Variants in ZNF17 observed in about 807,000 individuals in gnomAD.
ZNF17 encodes the protein zinc finger protein 17 (HPF3, KOX 10).
A neutral mutation model predicts 7.7 loss-of-function variants in ZNF17; 4 were observed. The ratio of observed to expected loss-of-function variants is 0.52; its 90% CI spans 0.26 to 1.20. The LOEUF is 1.20. Among genes scored for constraint, ZNF17 ranks in the 50% most tolerant of loss-of-function variants. ZNF17 has a pLI of 0.14. For missense variants in ZNF17, 738 were observed against 799.5 expected, an observed-to-expected ratio of 0.92 and a Z score of 0.93; for synonymous variants, 249 against 258.8, an observed-to-expected ratio of 0.96 and a Z score of 0.36.
At chr19:57,411,542 C>T (rs34675948) in intron 1 of ZNF17, 136 bp downstream of exon 1, 187,896 of 1,448,262 alleles carry the variant, frequency 0.13, 12,758 homozygotes, top group South Asian at 0.17. Context: ...GTCCGCGGTG[C>T]TGTGAGGCGG....
chr19:57,418,497 C>G (rs1433396945), intron 3 of ZNF17, among the ~76,000 whole-genome samples: 1 of 152,158 alleles, frequency 6.6e-6, no homozygotes, highest in Non-Finnish European at 1.5e-5. Flanking sequence ...ACAGCATGTC[C>G]TGGGTTTATT....
chr19:57,417,987 C>T lies in ZNF17; in HGVS notation c.97C>T (p.His33Tyr). The change falls in exon 3 of 4, where the codon CAC becomes TAC. Residue 33 changes from histidine to tyrosine, a missense_variant. His to Tyr is a moderately conservative substitution (Grantham distance 83). Coordinates refer to ENST00000307658, the MANE Select transcript of ZNF17 (RefSeq NM_001330617.2). ...EWGILNDVQRHLHSDVMLENF... is the reference protein window; with the variant it reads ...EWGILNDVQRYLHSDVMLENF... ...GGGAATTCTTAATGACGTTCAGAGACACCTGCACAGCGATGTGATGCTGGA... is the reference window on the plus strand; with the variant it reads ...GGGAATTCTTAATGACGTTCAGAGATACCTGCACAGCGATGTGATGCTGGA... 6.2e-7 allele frequency: 1 copy of T among 1,614,102 alleles called. No individual in the cohort carries two copies. Among genetic ancestry groups the T allele is most frequent in the Non-Finnish European group, 8.5e-7 (1 of 1,180,024 alleles).
At position 57,421,463 on chromosome 19, in the gene ZNF17, GA is replaced by G; in HGVS notation, c.1980del (p.Val661PhefsTer31). Reference protein sequence around the residue: ...NQNSHLIQHQKVHTR With the variant: ...NQNSHLIQHQXVHTR ...AAAATTCTCATCTCATTCAGCACCA[GA>G]AAGTTCACACCAGATAAAGAATGTA... On this transcript the variant is annotated frameshift_variant, in exon 4 of 4. Transcript: ENST00000307658. LOFTEE classifies it high-confidence loss of function. 1 of 1,608,146 alleles carries G rather than the reference GA, an allele frequency of 6.2e-7. No homozygotes were observed. The highest frequency in any genetic ancestry group is 8.5e-7 in the Non-Finnish European group (1 of 1,176,732).
intron 2 of ZNF17, among the ~76,000 whole-genome samples, chr19:57,417,307 G>C (rs2088816849): frequency 6.6e-6 from 1 of 152,114 alleles, no homozygotes; most frequent in Non-Finnish European, 1.5e-5. Flanking sequence ...GGAGAGTGAA[G>C]AGCTTAAGAC....
chr19:57,421,072 A>G lies in ZNF17; in HGVS notation c.1586A>G (p.Glu529Gly). The change falls in exon 4 of 4, where the codon GAG becomes GGG. Residue 529 changes from glutamate (E) to glycine (G), a missense_variant. Glu to Gly is a moderately conservative substitution (Grantham distance 98). Around this residue, in one of 3 missense-constraint regions of ZNF17, gnomAD observed 616 missense variants for 663.9 expected, o/e 0.93. Transcript: ENST00000307658. The part of the protein sequence containing the change: ...QRIHTGERPY[E>G]CSECGKFFRH... Reference sequence around the variant, plus strand: ...ATTCACACTGGTGAAAGGCCTTATGAGTGTAGTGAATGTGGGAAATTCTTT... The same window carrying G: ...ATTCACACTGGTGAAAGGCCTTATGGGTGTAGTGAATGTGGGAAATTCTTT... 6.2e-7 allele frequency: 1 copy of G among 1,614,140 alleles called. No homozygotes were observed. The highest frequency in any genetic ancestry group is 1.3e-5 in the African/African-American group (1 of 75,044).
At chr19:57,412,832 C>G (rs1404280806) in intron 1 of ZNF17, among the ~76,000 whole-genome samples, 1 of 151,970 alleles carries the variant, frequency 6.6e-6, no homozygotes, top group East Asian at 1.9e-4. Flanking sequence ...TGAATGTAAC[C>G]AATAGTTAAA....
In ZNF17 at chr19:57,420,474, C is replaced by T. The variant is rs375753726; in HGVS notation, c.988C>T (p.Arg330Trp). The T allele has an allele frequency of 1.6e-5, 26 of 1,613,054 alleles. 1 individual carries two copies. Among genetic ancestry groups the T allele is most frequent in the Middle Eastern group, 3.3e-4 (2 of 6,070 alleles). The change falls in exon 4 of 4, where the codon CGG becomes TGG. Residue 330 changes from arginine to tryptophan, a missense_variant. Transcript: ENST00000307658. ...TCACCAGAAAATTCATACTGGAGAA[C>T]GGCCTTATGGATGCAATGAATGTGG... ...VGHQKIHTGERPYGCNECGKY... is the reference protein window; with the variant it reads ...VGHQKIHTGEWPYGCNECGKY...
intron 1 of ZNF17, chr19:57,411,630 C>T (rs2088777524): frequency 4.4e-6 from 6 of 1,373,192 alleles, no homozygotes; most frequent in Admixed American, 3.0e-5. Context: ...GCCCGAGCGT[C>T]TTTGTCTCCA....
At position 57,420,976 on chromosome 19, in the gene ZNF17, A is replaced by G. The variant is rs2088847058; in HGVS notation, c.1490A>G (p.Glu497Gly). ...LKSHQRVHTG[E>G]RPFECSICGK... ...AGTCATCAGAGAGTTCACACTGGAG[A>G]AAGACCTTTTGAATGCAGCATTTGT... Residue 497 changes from glutamate (E) to glycine (G), a missense_variant, in exon 4 of 4, where the codon GAA becomes GGA. Around this residue, in one of 3 missense-constraint regions of ZNF17, gnomAD observed 616 missense variants for 663.9 expected, o/e 0.93. Coordinates refer to ENST00000307658, the MANE Select transcript of ZNF17 (RefSeq NM_001330617.2). 1 of 1,614,058 alleles carries G rather than the reference A, an allele frequency of 6.2e-7. No homozygotes were observed. Among genetic ancestry groups the G allele is most frequent in the Non-Finnish European group, 8.5e-7 (1 of 1,180,028 alleles).
At position 57,411,403 on chromosome 19, in the gene ZNF17, T is replaced by C; in HGVS notation, c.-24T>C. On this transcript the variant is annotated 5_prime_UTR_variant, in exon 1 of 4. Coordinates refer to ENST00000307658, the MANE Select transcript of ZNF17 (RefSeq NM_001330617.2). Reference sequence around the variant, plus strand: ...CGGAGGCTGCGCCGATGAACCTGACTGAGGTGGGTGCCGCGTCCCAGGGCG... The same window carrying C: ...CGGAGGCTGCGCCGATGAACCTGACCGAGGTGGGTGCCGCGTCCCAGGGCG... The C allele has an allele frequency of 6.2e-7, 1 of 1,612,118 alleles. No homozygotes were observed. The highest frequency in any genetic ancestry group is 8.5e-7 in the Non-Finnish European group (1 of 1,179,562).
chr19:57,419,970 T>A lies in ZNF17; in HGVS notation c.484T>A (p.Ser162Thr). The A allele has an allele frequency of 6.2e-7, 1 of 1,614,182 alleles. No individual in the cohort carries two copies. The highest frequency in any genetic ancestry group is 8.5e-7 in the Non-Finnish European group (1 of 1,180,030). ...MQGGKDFTGD[S>T]DLQQQALHSG... ...GGGTGGCAAGGATTTTACTGGTGAT[T>A]CAGATCTTCAACAACAGGCTCTTCA... is the stretch of plus-strand genomic sequence containing the variant. The change falls in exon 4 of 4, where the codon TCA becomes ACA. Residue 162 changes from serine (S) to threonine (T), a missense_variant. Ser to Thr is a moderately conservative substitution (Grantham distance 58). Coordinates refer to ENST00000307658, the MANE Select transcript of ZNF17 (RefSeq NM_001330617.2).
chr19:57,417,999 G>T lies in ZNF17; in HGVS notation c.109G>T (p.Asp37Tyr). 3 of 1,614,124 alleles carry T rather than the reference G, an allele frequency of 1.9e-6. No individual in the cohort carries two copies. Among genetic ancestry groups the T allele is most frequent in the Non-Finnish European group, 2.5e-6 (3 of 1,180,030 alleles). ...LNDVQRHLHSDVMLENFALLS... is the reference protein window; with the variant it reads ...LNDVQRHLHSYVMLENFALLS... ...TGACGTTCAGAGACACCTGCACAGC[G>T]ATGTGATGCTGGAGAACTTTGCACT... Residue 37 changes from aspartate to tyrosine, a missense_variant, in exon 3 of 4, where the codon GAT (aspartate) becomes TAT (tyrosine). Physicochemically the swap from Asp to Tyr is radical, Grantham distance 160. Around this residue, in one of 3 missense-constraint regions of ZNF17, gnomAD observed 616 missense variants for 663.9 expected, o/e 0.93. Coordinates refer to ENST00000307658, the MANE Select transcript of ZNF17 (RefSeq NM_001330617.2).
chr19:57,418,974 C>T lies in ZNF17; in HGVS notation c.149-661C>T, dbSNP rs185591443. On this transcript the variant is annotated intron_variant, in intron 3 of 3. Transcript: ENST00000307658. The stretch of plus-strand genomic sequence containing the variant: ...TTGACTCACTGCAACCTCTGCTTCC[C>T]GGGTTCAAGCGATTCTTCTGCCTCA... 2.9e-3 allele frequency: 439 copies of T among 152,606 alleles called. 2 individuals are homozygous for T. The highest frequency in any genetic ancestry group is 0.024 in the Middle Eastern group (7 of 292). The allele number at this position is 152,606 out of a possible 1,614,324, so 9.5% of individuals were successfully genotyped here. A position where few individuals can be genotyped will look rare whatever the true frequency, so the allele number is the denominator to read the frequency against.
Position 57,421,080 on chromosome 19 carries a change from G to C in ZNF17, c.1594G>C (p.Glu532Gln). 6.2e-7 allele frequency: 1 copy of C among 1,614,146 alleles called. No individual in the cohort carries two copies. Among genetic ancestry groups the C allele is most frequent in the Non-Finnish European group, 8.5e-7 (1 of 1,179,976 alleles). ...TGGTGAAAGGCCTTATGAGTGTAGTGAATGTGGGAAATTCTTTAGGCACAA... is the reference window on the plus strand; with the variant it reads ...TGGTGAAAGGCCTTATGAGTGTAGTCAATGTGGGAAATTCTTTAGGCACAA... ...HTGERPYECSECGKFFRHNSN... is the reference protein window; with the variant it reads ...HTGERPYECSQCGKFFRHNSN... Residue 532 changes from glutamate to glutamine, a missense_variant, in exon 4 of 4, where the codon GAA becomes CAA. Physicochemically the swap from Glu to Gln is conservative, Grantham distance 29. Coordinates refer to ENST00000307658, the MANE Select transcript of ZNF17 (RefSeq NM_001330617.2).
At position 57,411,654 on chromosome 19, in the gene ZNF17, G is replaced by A. The variant is rs1229908738; in HGVS notation, c.-21+248G>A. 89 of 1,348,666 alleles carry A rather than the reference G, an allele frequency of 6.6e-5. No homozygotes were observed. The Admixed American group carries it at 9.3e-4, about 14-fold the overall frequency. The allele number at this position is 1,348,666 out of a possible 1,614,324, so 83.5% of individuals were successfully genotyped here. On this transcript the variant is annotated intron_variant, in intron 1 of 3. Transcript: ENST00000307658. Reference sequence around the variant, plus strand: ...TCTTTGTCTCCACGGAGCTGAGGGTGAGGCGGAGTCTCGCCTGGGAGGGCA... The same window carrying A: ...TCTTTGTCTCCACGGAGCTGAGGGTAAGGCGGAGTCTCGCCTGGGAGGGCA...
Position 57,420,401 on chromosome 19 carries a change from G to C in ZNF17, c.915G>C (p.Val305=). 6.2e-7 allele frequency: 1 copy of C among 1,614,142 alleles called. No individual in the cohort carries two copies. Among genetic ancestry groups the C allele is most frequent in the Non-Finnish European group, 8.5e-7 (1 of 1,180,018 alleles). ...TTCACACCAGGCCAAGGCCTTATGT[G>C]TGTAGTGAATGTGGGAAGGCCTTCC... ...QRIHTRPRPY[V]CSECGKAFLT... Residue 305 remains valine, a synonymous_variant, in exon 4 of 4, where the codon GTG becomes GTC. Transcript: ENST00000307658.
chr19:57,413,981 G>A (rs1440342856), intron 2 of ZNF17, among the ~76,000 whole-genome samples: 3 of 152,152 alleles, frequency 2.0e-5, no homozygotes, highest in Non-Finnish European at 4.4e-5. Context: ...GGAGGTCGGG[G>A]CATGCAGGGA....
rs1568538348 is a variant in ZNF17, at chr19:57,418,052, A to ACCTACGT, written c.148+16_148+22dup. ...TGTCCTCAGTAGGTAAGGCCCTGAC[A>ACCTACGT]CCTACGTCAGTGTCTTGTGCTGGGC... On this transcript the variant is annotated intron_variant, in intron 3 of 3. Transcript: ENST00000307658. The ACCTACGT allele has an allele frequency of 6.2e-7, 1 of 1,608,664 alleles. No individual in the cohort carries two copies. The highest frequency in any genetic ancestry group is 1.3e-5 in the African/African-American group (1 of 74,718).
chr19:57,420,670 A>G lies in ZNF17; in HGVS notation c.1184A>G (p.Lys395Arg). The change falls in exon 4 of 4, where the codon AAA (lysine) becomes AGA (arginine). Residue 395 changes from lysine to arginine, a missense_variant. Physicochemically the swap from Lys to Arg is conservative, Grantham distance 26. Coordinates refer to ENST00000307658, the MANE Select transcript of ZNF17 (RefSeq NM_001330617.2). The stretch of plus-strand genomic sequence containing the variant: ...CCTTATGAATGCAACGAATGTGGGA[A>G]ATTCTTTAGATACCGTTCCACACTC... The part of the protein sequence containing the change: ...EKPYECNECG[K>R]FFRYRSTLIR... 1 of 1,614,000 alleles carries G rather than the reference A, an allele frequency of 6.2e-7. No individual in the cohort carries two copies.
Sources: gnomAD v4.1 joint callset for allele counts (sites outside exome capture counted in the v4.1 genomes callset) on GRCh38, gnomAD v4.1.1 for gene constraint, gnomAD v4.1.1 regional missense constraint, MANE v1.5 for transcripts, NCBI Gene and HGNC (gene_info 2026-07-23, HGNC 2026-07-21) for gene names.